Variants in CHD7 observed in about 807,000 individuals in gnomAD.
CHD7 encodes the protein ATP-dependent chromatin remodeler CHD7.
CHD7 carries 24 observed loss-of-function variants against 307.3 expected under a neutral mutation model. That is an observed-to-expected ratio of 0.08 (90% confidence interval 0.06 to 0.11). CHD7 has a LOEUF of 0.11. Among genes scored for constraint, CHD7 ranks in the 10% least tolerant of loss-of-function variants. The pLI is 1.00. For synonymous variants in CHD7, 1,363 were observed against 1,349.9 expected, an observed-to-expected ratio of 1.01 and a Z score of -0.21; for missense variants, 3,106 against 3,727.1, an observed-to-expected ratio of 0.83 and a Z score of 4.34.
At chr8:60,858,731 C>T (rs972515936) in intron 34 of CHD7, among the ~76,000 whole-genome samples, 1 of 152,212 alleles carries the variant, frequency 6.6e-6, no homozygotes, top group African/African-American at 2.4e-5. Context: ...CCTCAGCCTC[C>T]CTAGTAGATG....
chr8:60,801,656 T>C, intron 6 of CHD7, 63 bp downstream of exon 6: 1 of 1,050,788 alleles, frequency 9.5e-7, no homozygotes, highest in Admixed American at 2.6e-5. Context: ...GATTGTTGGC[T>C]TTGTAATTTT....
At chr8:60,861,797 CTGTT>C (rs1445430770) in intron 35 of CHD7, 2 of 157,046 alleles carry the variant, frequency 1.3e-5, no homozygotes, top group Non-Finnish European at 2.8e-5. Context: ...CAAGATCTGT[CTGTT>C]TGTTGGTTAG....
chr8:60,817,281 A>T (rs980390607), intron 8 of CHD7, among the ~76,000 whole-genome samples: 2 of 152,224 alleles, frequency 1.3e-5, no homozygotes, highest in Non-Finnish European at 2.9e-5. Flanking sequence ...AGTTGACAGA[A>T]TGTAGACTTT....
At chr8:60,789,374 AT>A (rs1043438320) in intron 3 of CHD7, among the ~76,000 whole-genome samples, 1 of 152,252 alleles carries the variant, frequency 6.6e-6, no homozygotes, top group Non-Finnish European at 1.5e-5. Context: ...ATAATGTAAC[AT>A]TTTGGAGAAG....
At chr8:60,748,783 C>T (rs1010132352) in intron 2 of CHD7, among the ~76,000 whole-genome samples, 2 of 152,026 alleles carry the variant, frequency 1.3e-5, no homozygotes, top group Non-Finnish European at 2.9e-5. Flanking sequence ...ACAAGGTGTC[C>T]TTAAAATAAG....
intron 1 of CHD7, among the ~76,000 whole-genome samples, chr8:60,700,561 G>T (rs1438450811): frequency 6.6e-6 from 1 of 152,216 alleles, no homozygotes; most frequent in Non-Finnish European, 1.5e-5. Context: ...ATAGTTGGTA[G>T]CAACTATTAC....
chr8:60,866,232 T>A lies in CHD7; in HGVS notation c.*299T>A. ...TTTTCTCTTGGTACCATTGGTATTA[T>A]AATAAAGAGCAATTTGTAACTGAGT... is the stretch of plus-strand genomic sequence containing the variant. On this transcript the variant is annotated 3_prime_UTR_variant, in exon 38 of 38. Transcript: ENST00000423902. 1 of 221,130 alleles carries A rather than the reference T, an allele frequency of 4.5e-6. No individual in the cohort carries two copies. The highest frequency in any genetic ancestry group is 8.9e-6 in the Non-Finnish European group (1 of 112,482). 13.7% of individuals were successfully genotyped at this position (221,130 alleles called of 1,614,324 possible). A position where few individuals can be genotyped will look rare whatever the true frequency, so the allele number is the denominator to read the frequency against.
intron 3 of CHD7, among the ~76,000 whole-genome samples, chr8:60,784,934 A>T (rs1811425782): frequency 6.6e-6 from 1 of 152,044 alleles, no homozygotes; most frequent in African/African-American, 2.4e-5. Context: ...TATTTTTTGT[A>T]TCGATTTTTC....
chr8:60,762,714 T>C (rs1450925280), intron 2 of CHD7, among the ~76,000 whole-genome samples: 1 of 152,206 alleles, frequency 6.6e-6, no homozygotes, highest in Non-Finnish European at 1.5e-5. Context: ...TTGCCCCCAC[T>C]GTACTCTGAG....
At chr8:60,791,800 T>C (rs1173928000) in intron 3 of CHD7, among the ~76,000 whole-genome samples, 1 of 152,026 alleles carries the variant, frequency 6.6e-6, no homozygotes, top group African/African-American at 2.4e-5. Context: ...GCACTGTGGG[T>C]CTGTTTGCTT....
intron 33 of CHD7, 105 bp from the exon 34 acceptor site, chr8:60,856,340 A>G: frequency 1.5e-6 from 2 of 1,296,808 alleles, no homozygotes; most frequent in Non-Finnish European, 2.1e-6. Flanking sequence ...CCAGTCATGA[A>G]TGCTTAATTC....
chr8:60,773,383 T>C (rs1462070165), intron 2 of CHD7, among the ~76,000 whole-genome samples: 3 of 152,202 alleles, frequency 2.0e-5, no homozygotes, highest in Admixed American at 2.0e-4. Context: ...GGCTGGCACA[T>C]GTAAAAACAT....
intron 1 of CHD7, among the ~76,000 whole-genome samples, chr8:60,733,863 C>T (rs1223519732): frequency 2.0e-5 from 3 of 151,970 alleles, no homozygotes; most frequent in African/African-American, 7.3e-5. Context: ...CTGCAAGAAA[C>T]CTGTGAAATA....
At chr8:60,697,930 C>T (rs990852435) in intron 1 of CHD7, among the ~76,000 whole-genome samples, 4 of 152,208 alleles carry the variant, frequency 2.6e-5, no homozygotes, top group African/African-American at 9.7e-5. Context: ...ACATGACCCT[C>T]CTCAGCTACT....
intron 15 of CHD7, among the ~76,000 whole-genome samples, chr8:60,835,194 A>G (rs550981566): frequency 2.0e-5 from 3 of 152,170 alleles, no homozygotes; most frequent in Non-Finnish European, 4.4e-5. Context: ...TAAGCAGTTG[A>G]AGGAAGCTTA....
chr8:60,684,233 A>G (rs535467352), intron 1 of CHD7, among the ~76,000 whole-genome samples: 1 of 152,188 alleles, frequency 6.6e-6, no homozygotes, highest in Non-Finnish European at 1.5e-5. Context: ...CTAATGTGGA[A>G]TCTAAGGCAC....
chr8:60,826,966 C>G (rs903778666), intron 13 of CHD7, among the ~76,000 whole-genome samples: 6 of 152,192 alleles, frequency 3.9e-5, no homozygotes, highest in African/African-American at 1.2e-4. Context: ...GCCTGAGTTT[C>G]TTACCTGATG....
At chr8:60,758,560 T>A (rs911746501) in intron 2 of CHD7, among the ~76,000 whole-genome samples, 7 of 152,270 alleles carry the variant, frequency 4.6e-5, no homozygotes, top group African/African-American at 1.7e-4. Context: ...ATTTTATTAT[T>A]GTAAATAAAC....
At chr8:60,694,660 G>T (rs1247494579) in intron 1 of CHD7, among the ~76,000 whole-genome samples, 1 of 152,230 alleles carries the variant, frequency 6.6e-6, no homozygotes, top group East Asian at 1.9e-4. Flanking sequence ...GTCCTCCTGG[G>T]AGGGCAGCTT....
Sources: gnomAD v4.1 joint callset for allele counts (sites outside exome capture counted in the v4.1 genomes callset) on GRCh38, gnomAD v4.1.1 for gene constraint, MANE v1.5 for transcripts, NCBI Gene and HGNC (gene_info 2026-07-23, HGNC 2026-07-21) for gene names.